NHS: variants seen among roughly 807,000 people sequenced by gnomAD.
The protein encoded by NHS is actin remodeling regulator NHS.
In NHS, 5 loss-of-function variants were observed where a neutral mutation model predicts 72.5. That is an observed-to-expected ratio of 0.07 (90% CI 0.04 to 0.14). The LOEUF (loss-of-function observed/expected upper bound fraction) is 0.14, where lower values mean the gene tolerates loss of function less well. NHS is among the 10% of genes least tolerant of loss of function. The probability of loss-of-function intolerance (pLI) is 1.00; values close to 1 mark genes in which losing one functional copy is unlikely to be tolerated. For missense variants in NHS, 1,072 were observed against 1,355.7 expected, an observed-to-expected ratio of 0.79 and a Z score of 3.29; for synonymous variants, 464 against 547.7, an observed-to-expected ratio of 0.85 and a Z score of 2.13.
At chrX:17,398,964 CT>C (rs1239112448) in intron 1 of NHS, among the ~76,000 whole-genome samples, 2 of 111,991 alleles carry the variant, frequency 1.8e-5, no homozygotes, top group Non-Finnish European at 3.8e-5. Context: ...ATTGCTATAT[CT>C]TTTCTTCTTA....
intron 1 of NHS, among the ~76,000 whole-genome samples, chrX:17,683,336 T>C (rs1463305261): frequency 5.3e-5 from 6 of 112,227 alleles, no homozygotes; most frequent in Non-Finnish European, 1.1e-4. Flanking sequence ...GTAGCAGTTC[T>C]GAATCTTTGT....
intron 3 of NHS, among the ~76,000 whole-genome samples, chrX:17,695,365 A>C (rs1272026893): frequency 8.9e-6 from 1 of 112,412 alleles, no homozygotes; most frequent in Non-Finnish European, 1.9e-5. Context: ...TACTAATATA[A>C]CTATAGGATA....
Position 17,430,799 on chromosome X carries a change from T to C in NHS, c.565+54477T>C, listed in dbSNP as rs1247619693. On this transcript the variant is annotated intron_variant, in intron 1 of 8. Transcript: ENST00000676302. ...AGGTTCATTTATGTTGTAGCATGTATCAGTATTTCATTCCTTTTTATGGAT... is the reference window on the plus strand; with the variant it reads ...AGGTTCATTTATGTTGTAGCATGTACCAGTATTTCATTCCTTTTTATGGAT... Among the ~76,000 whole-genome samples the C allele has an allele frequency of 2.7e-5, 3 of 112,744 alleles. No homozygotes were observed. The Admixed American group carries it at 2.8e-4, about 11-fold the overall frequency.
chrX:17,545,402 A>T (rs181072515), intron 1 of NHS, among the ~76,000 whole-genome samples: 93 of 111,896 alleles, frequency 8.3e-4, no homozygotes, highest in Non-Finnish European at 7.5e-5. Flanking sequence ...TCCACTCTAG[A>T]GTTTTCCGTT....
intron 1 of NHS, among the ~76,000 whole-genome samples, chrX:17,384,528 G>A (rs1367941096): frequency 8.9e-6 from 1 of 111,997 alleles, no homozygotes; most frequent in Non-Finnish European, 1.9e-5. Flanking sequence ...AGATTCTGTT[G>A]GACTGATATT....
chrX:17,568,188 G>A (rs1345912812), intron 1 of NHS, among the ~76,000 whole-genome samples: 1 of 111,953 alleles, frequency 8.9e-6, no homozygotes, highest in Non-Finnish European at 1.9e-5. Flanking sequence ...CTTGTTGCTG[G>A]GCACATCAGA....
intron 1 of NHS, among the ~76,000 whole-genome samples, chrX:17,617,572 G>T (rs1280282559): frequency 8.9e-6 from 1 of 112,342 alleles, no homozygotes; most frequent in African/African-American, 3.2e-5. Flanking sequence ...GGGAACAAAT[G>T]AAAATGAGAT....
chrX:17,375,461 C>A lies in NHS; in HGVS notation c.-297C>A, dbSNP rs2064340448. On this transcript the variant is annotated 5_prime_UTR_variant, in exon 1 of 9. The change creates a premature stop within an existing upstream ORF in the 5' untranslated region. Transcript: ENST00000676302. ...ACAGAAACGATGGAGTTGAGCCAGT[C>A]GACCCTGGTTGGAAGCAAGTGAGAA... is the stretch of plus-strand genomic sequence containing the variant. The A allele has an allele frequency of 4.9e-6, 2 of 406,108 alleles. No individual in the cohort carries two copies. Among genetic ancestry groups the A allele is most frequent in the Non-Finnish European group, 8.5e-6 (2 of 235,273 alleles). 33.5% of individuals were successfully genotyped at this position (406,108 alleles called of 1,213,427 possible).
In NHS at chrX:17,724,360, A is replaced by G. The variant is rs1458513010; in HGVS notation, c.1170A>G (p.Leu390=). The G allele has an allele frequency of 2.5e-6, 3 of 1,210,383 alleles. No individual in the cohort carries two copies. Among genetic ancestry groups the G allele is most frequent in the Non-Finnish European group, 3.4e-6 (3 of 895,267 alleles). ...RCSLVHSQSV[L]QRRRKLRRRK... ...CTCTGGTTCATTCACAATCGGTACT[A>G]CAGCGGAGACGAAAATTGAGGAGGA... Residue 390 remains leucine, a synonymous_variant, in exon 6 of 9, where the codon CTA becomes CTG. Coordinates refer to ENST00000676302, the MANE Select transcript of NHS (RefSeq NM_001291867.2).
chrX:17,717,578 G>T, intron 3 of NHS, among the ~76,000 whole-genome samples: 1 of 112,671 alleles, frequency 8.9e-6, no homozygotes. Context: ...CTGAAGAGGG[G>T]ATTCTGGTTA....
intron 1 of NHS, among the ~76,000 whole-genome samples, chrX:17,459,153 A>C (rs866408491): frequency 1.8e-5 from 2 of 112,947 alleles, no homozygotes; most frequent in Middle Eastern, 4.6e-3. Flanking sequence ...CTGTATGAAC[A>C]GGGAAAGTGG....
intron 1 of NHS, among the ~76,000 whole-genome samples, chrX:17,559,494 A>G (rs2065401151): frequency 8.9e-6 from 1 of 112,188 alleles, no homozygotes; most frequent in African/African-American, 3.2e-5. Flanking sequence ...AAAGTAGAGC[A>G]AAAATCCATA....
At chrX:17,525,201 A>G (rs2065166786) in intron 1 of NHS, among the ~76,000 whole-genome samples, 1 of 112,634 alleles carries the variant, frequency 8.9e-6, no homozygotes, top group Non-Finnish European at 1.9e-5. Flanking sequence ...TGTTGGTTGC[A>G]TATGTTATCA....
rs1009740127 is a variant in NHS, at chrX:17,692,439, C to T, written c.823C>T (p.Arg275Cys). 1.7e-6 allele frequency: 2 copies of T among 1,210,272 alleles called. No homozygotes were observed. The highest frequency in any genetic ancestry group is 2.2e-5 in the Admixed American group (1 of 45,866). Residue 275 changes from arginine (R) to cysteine (C), a missense_variant, in exon 3 of 9, where the codon CGT (arginine) becomes TGT (cysteine). Coordinates refer to ENST00000676302, the MANE Select transcript of NHS (RefSeq NM_001291867.2). ...CCCTCCAGCTCACAGCCAGAGGAGG[C>T]GTGAGTTTAAGGACCGTCACTTTTT... ...AYPPAHSQRR[R>C]EFKDRHFLTF... is the part of the protein sequence containing the mutation.
chrX:17,665,352 G>C (rs1219505934), intron 1 of NHS, among the ~76,000 whole-genome samples: 2 of 77,094 alleles, frequency 2.6e-5, no homozygotes, highest in African/African-American at 1.1e-4. Flanking sequence ...TTTTTGAGAC[G>C]GAGTCTCGCT....
chrX:17,417,026 A>T (rs191488460), intron 1 of NHS, among the ~76,000 whole-genome samples: 158 of 110,965 alleles, frequency 1.4e-3, no homozygotes, highest in African/African-American at 4.9e-3. Flanking sequence ...AAACACTTCA[A>T]TATTGTTATG....
intron 1 of NHS, among the ~76,000 whole-genome samples, chrX:17,430,570 T>C (rs2064690561): frequency 9.1e-6 from 1 of 109,758 alleles, no homozygotes; most frequent in Non-Finnish European, 1.9e-5. Context: ...AGTTTAGTGG[T>C]TTTTAGTGTA....
intron 1 of NHS, among the ~76,000 whole-genome samples, chrX:17,532,769 T>C (rs190170509): frequency 1.6e-3 from 180 of 111,464 alleles, no homozygotes; most frequent in African/African-American, 5.7e-3. Flanking sequence ...ATTGATTCAT[T>C]TACATAGAAA....
At chrX:17,572,232 T>G (rs1341426687) in intron 1 of NHS, among the ~76,000 whole-genome samples, 1 of 111,119 alleles carries the variant, frequency 9.0e-6, no homozygotes, top group Non-Finnish European at 1.9e-5. Flanking sequence ...GTTAACCTCC[T>G]GTCTTGTTGA....
Sources: gnomAD v4.1 joint callset for allele counts (sites outside exome capture counted in the v4.1 genomes callset) on GRCh38, gnomAD v4.1.1 for gene constraint, MANE v1.5 for transcripts, NCBI Gene and HGNC (gene_info 2026-07-23, HGNC 2026-07-21) for gene names.